HMGCS1: variants seen among roughly 807,000 people sequenced by gnomAD.
HMGCS1 encodes the protein 3-hydroxy-3-methylglutaryl-CoA synthase 1, also known as hydroxymethylglutaryl-CoA synthase, cytoplasmic.
In HMGCS1, 9 loss-of-function variants were observed where a neutral mutation model predicts 52.3. That is an observed-to-expected ratio of 0.17 (90% CI 0.10 to 0.30). The LOEUF (loss-of-function observed/expected upper bound fraction) is 0.30. Ranked by LOEUF, HMGCS1 falls within the 10% of genes least tolerant of loss-of-function variation. HMGCS1 has a pLI of 1.00. For synonymous variants in HMGCS1, 176 were observed against 214.4 expected, an observed-to-expected ratio of 0.82 and a Z score of 1.57; for missense variants, 320 against 620.9, an observed-to-expected ratio of 0.52 and a Z score of 5.15.
chr5:43,308,131 G>A (rs1341232572), intron 1 of HMGCS1, among the ~76,000 whole-genome samples: 1 of 152,190 alleles, frequency 6.6e-6, no homozygotes, highest in Non-Finnish European at 1.5e-5. Context: ...GTCACCAATT[G>A]AGGCTTTAAA....
At chr5:43,305,705 G>A (rs550585223) in intron 2 of HMGCS1, among the ~76,000 whole-genome samples, 5 of 149,594 alleles carry the variant, frequency 3.3e-5, no homozygotes, top group African/African-American at 1.2e-4. Context: ...GGGAGACGGA[G>A]GTTGCAGTGA....
intron 2 of HMGCS1, among the ~76,000 whole-genome samples, chr5:43,303,896 T>C (rs1217679680): frequency 6.6e-6 from 1 of 152,206 alleles, no homozygotes; most frequent in Non-Finnish European, 1.5e-5. Context: ...TCCATTCATC[T>C]TCAACTCCTT....
intron 2 of HMGCS1, among the ~76,000 whole-genome samples, chr5:43,299,344 C>G (rs1208697975): frequency 2.0e-5 from 3 of 152,054 alleles, no homozygotes; most frequent in Non-Finnish European, 4.4e-5. Context: ...AATTACCTGA[C>G]CACCCGAAAG....
chr5:43,295,926 G>A lies in HMGCS1; in HGVS notation c.740-9C>T. ...ATCTTTATCATTTCCCTCTGAAAGA[G>A]AAGTCCAAGGAAACTATGAAATTCA... On this transcript the variant is annotated splice_polypyrimidine_tract_variant and intron_variant, in intron 5 of 10. Transcript: ENST00000325110. 6.3e-7 allele frequency: 1 copy of A among 1,597,950 alleles called. No individual in the cohort carries two copies. Among genetic ancestry groups the A allele is most frequent in the Non-Finnish European group, 8.5e-7 (1 of 1,169,622 alleles).
intron 1 of HMGCS1, among the ~76,000 whole-genome samples, chr5:43,308,726 A>G (rs1443568681): frequency 6.6e-6 from 1 of 152,220 alleles, no homozygotes; most frequent in Non-Finnish European, 1.5e-5. Flanking sequence ...CTCTCTATTT[A>G]ATTACTGGCA....
At position 43,298,849 on chromosome 5, in the gene HMGCS1, A is replaced by G. The variant is rs3806871; in HGVS notation, c.117T>C (p.Tyr39=). ...QYVDQAELEK[Y]DGVDAGKYTI... ...TATACTTTCCAGCATCTACACCATCATATTTTTCCAACTCTGCTTGATCAA... is the reference window on the plus strand; with the variant it reads ...TATACTTTCCAGCATCTACACCATCGTATTTTTCCAACTCTGCTTGATCAA... The change falls in exon 3 of 11, where the codon TAT becomes TAC. Residue 39 remains tyrosine (Y), a synonymous_variant. Coordinates refer to ENST00000325110, the MANE Select transcript of HMGCS1 (RefSeq NM_001098272.3). The surrounding 1 kb of genome is among the most constrained non-coding windows in gnomAD (Gnocchi z 5.6). The G allele has an allele frequency of 0.013, 20,477 of 1,614,192 alleles. 315 individuals are homozygous for G. The highest frequency in any genetic ancestry group is 0.083 in the East Asian group (3,737 of 44,870).
chr5:43,291,062 C>G lies in HMGCS1; in HGVS notation c.*69G>C. On this transcript the variant is annotated 3_prime_UTR_variant, in exon 11 of 11. Transcript: ENST00000325110. ...TAAAATTATCCCCAGATATCCCATT[C>G]CTCCAACTGTTCCCATACCCCCACC... The G allele has an allele frequency of 1.1e-6, 1 of 876,402 alleles. No homozygotes were observed. Among genetic ancestry groups the G allele is most frequent in the South Asian group, 1.4e-5 (1 of 73,814 alleles). 54.3% of individuals were successfully genotyped at this position (876,402 alleles called of 1,614,324 possible).
chr5:43,298,949 G>A lies in HMGCS1; in HGVS notation c.17C>T (p.Pro6Leu). ...TGGCCAGCAAGCTTCTGCATTCAAAGGAAGTGATCCAGGCATGGTGAAAGA... is the reference window on the plus strand; with the variant it reads ...TGGCCAGCAAGCTTCTGCATTCAAAAGAAGTGATCCAGGCATGGTGAAAGA... Reference protein sequence around the residue: MPGSLPLNAEACWPKD... With the variant: MPGSLLLNAEACWPKD... Residue 6 changes from proline to leucine, a missense_variant, in exon 3 of 11, where the codon CCT becomes CTT. This residue lies in a region of HMGCS1 where 22 missense variants were observed against 23.5 expected (regional missense o/e 0.94). Transcript: ENST00000325110. The surrounding 1 kb of genome is among the most constrained non-coding windows in gnomAD (Gnocchi z 5.6). 1 of 1,612,700 alleles carries A rather than the reference G, an allele frequency of 6.2e-7. No individual in the cohort carries two copies. The highest frequency in any genetic ancestry group is 8.5e-7 in the Non-Finnish European group (1 of 1,179,290).
intron 1 of HMGCS1, among the ~76,000 whole-genome samples, chr5:43,312,662 A>G (rs1180340048): frequency 1.3e-5 from 2 of 152,180 alleles, no homozygotes; most frequent in Admixed American, 6.5e-5. Flanking sequence ...GGGATTTCAG[A>G]ACACCAAGGA....
intron 2 of HMGCS1, among the ~76,000 whole-genome samples, chr5:43,300,771 G>A (rs572473252): frequency 6.7e-6 from 1 of 149,522 alleles, no homozygotes; most frequent in Admixed American, 6.7e-5. Context: ...CTCCAGCCTG[G>A]GTGATGGTGA....
At chr5:43,291,987 C>CTTTTTTTTTTTTT (rs537398917) in intron 10 of HMGCS1, among the ~76,000 whole-genome samples, 3 of 83,114 alleles carry the variant, frequency 3.6e-5, no homozygotes, top group East Asian at 3.2e-4. Context: ...ACTGTATATT[C>CTTTTTTTTTTTTT]TTTTTTTTTT....
At chr5:43,291,367 T>G in intron 10 of HMGCS1, 147 bp from the exon 11 acceptor site, 1 of 584,026 alleles carries the variant, frequency 1.7e-6, no homozygotes, top group Non-Finnish European at 3.1e-6. Context: ...TAACTTTTCA[T>G]GAAGGGAACT....
chr5:43,297,454 A>G (rs1754086104), intron 4 of HMGCS1, among the ~76,000 whole-genome samples: 1 of 152,222 alleles, frequency 6.6e-6, no homozygotes, highest in South Asian at 2.1e-4. Context: ...GCCAGTGACT[A>G]TCAGCAAGTT....
chr5:43,306,150 G>A (rs902319489), intron 2 of HMGCS1, among the ~76,000 whole-genome samples: 1 of 152,178 alleles, frequency 6.6e-6, no homozygotes, highest in Non-Finnish European at 1.5e-5. Flanking sequence ...CCCTCTGGTG[G>A]ACAAAAGAAA....
At chr5:43,301,253 A>G (rs1009563021) in intron 2 of HMGCS1, among the ~76,000 whole-genome samples, 4 of 152,316 alleles carry the variant, frequency 2.6e-5, no homozygotes, top group Admixed American at 2.6e-4. Context: ...ATTGGAATGA[A>G]ATGTGAGCTG....
chr5:43,308,001 T>C (rs953564315), intron 1 of HMGCS1, among the ~76,000 whole-genome samples, 177 bp from the exon 2 acceptor site: 6 of 152,152 alleles, frequency 3.9e-5, no homozygotes, highest in African/African-American at 1.2e-4. Context: ...TAGAACATTT[T>C]CCCCCTTATT....
Position 43,297,146 on chromosome 5 carries a change from G to T in HMGCS1, c.595C>A (p.Gln199Lys). ...GGCTTGTAAAAATCATAGGCATGTT[G>T]CATATGTGTCCCACGAAGCCCTATT... is the stretch of plus-strand genomic sequence containing the variant. ...FERGLRGTHMQHAYDFYKPDM... is the reference protein window; with the variant it reads ...FERGLRGTHMKHAYDFYKPDM... The change falls in exon 5 of 11, where the codon CAA (glutamine) becomes AAA (lysine). Residue 199 changes from glutamine (Q) to lysine (K), a missense_variant. By Grantham distance (53) the Gln-to-Lys change is moderately conservative. Around this residue, in one of 3 missense-constraint regions of HMGCS1, gnomAD observed 85 missense variants for 260.0 expected, o/e 0.33. Coordinates refer to ENST00000325110, the MANE Select transcript of HMGCS1 (RefSeq NM_001098272.3). The T allele has an allele frequency of 6.2e-7, 1 of 1,612,614 alleles. No homozygotes were observed. Among genetic ancestry groups the T allele is most frequent in the Non-Finnish European group, 8.5e-7 (1 of 1,179,516 alleles).
At chr5:43,296,952 T>C (rs796384267) in intron 5 of HMGCS1, 50 bp downstream of exon 5, 1 of 1,493,648 alleles carries the variant, frequency 6.7e-7, no homozygotes, top group African/African-American at 1.4e-5. Flanking sequence ...CCTAGTACAT[T>C]AGACTGCTCT....
intron 10 of HMGCS1, 92 bp downstream of exon 10, chr5:43,292,382 T>TTACTATGAAA: frequency 1.1e-6 from 1 of 914,812 alleles, no homozygotes; most frequent in Non-Finnish European, 1.6e-6. Flanking sequence ...CCCAGAGCCC[T>TTACTATGAAA]TACTCTTCTT....
Sources: allele counts gnomAD v4.1 joint callset (sites outside exome capture counted in the v4.1 genomes callset), GRCh38; gene constraint gnomAD v4.1.1; regional missense constraint gnomAD v4.1.1; non-coding constraint Gnocchi (gnomAD v3.1); transcripts MANE v1.5; gene names NCBI Gene and HGNC (gene_info 2026-07-23, HGNC 2026-07-21).